CSMD1: variants seen among roughly 807,000 people sequenced by gnomAD.
The protein encoded by CSMD1 is CUB and sushi domain-containing protein 1.
Under a neutral mutation model 417.5 loss-of-function variants are expected in CSMD1, and 213 were observed. The ratio of observed to expected loss-of-function variants is 0.51; its 90% CI spans 0.46 to 0.57. The LOEUF is 0.57. CSMD1 is among the 20% of genes least tolerant of loss of function. The probability of loss-of-function intolerance (pLI) is 0.00; values close to 1 mark genes in which losing one functional copy is unlikely to be tolerated. For missense variants in CSMD1, 6,923 were observed against 4,529.7 expected, an observed-to-expected ratio of 1.53 and a Z score of -15.17; for synonymous variants, 2,862 against 1,736.8, an observed-to-expected ratio of 1.65 and a Z score of -16.11.
At chr8:3,464,369 G>GC (rs1404221032) in intron 12 of CSMD1, among the ~76,000 whole-genome samples, 1 of 152,140 alleles carries the variant, frequency 6.6e-6, no homozygotes, top group African/African-American at 2.4e-5. Flanking sequence ...GCTAGAAGCT[G>GC]CAGTGGTTAT....
intron 42 of CSMD1, among the ~76,000 whole-genome samples, chr8:3,112,276 G>T (rs1330991973): frequency 6.6e-6 from 1 of 152,210 alleles, no homozygotes; most frequent in East Asian, 1.9e-4. Context: ...CTTTACAGGT[G>T]ACTCCGTGCT....
chr8:3,793,080 G>A (rs148504741), intron 5 of CSMD1, among the ~76,000 whole-genome samples: 1 of 152,156 alleles, frequency 6.6e-6, no homozygotes, highest in East Asian at 1.9e-4. Flanking sequence ...GTAGAAAGGG[G>A]CAATTAACAC....
chr8:3,321,947 A>G (rs975187471), intron 23 of CSMD1, among the ~76,000 whole-genome samples: 2 of 152,218 alleles, frequency 1.3e-5, no homozygotes, highest in East Asian at 3.9e-4. Flanking sequence ...TAGCAAACCT[A>G]AAATGGAACC....
chr8:3,769,531 A>G (rs1798462157), intron 5 of CSMD1, among the ~76,000 whole-genome samples: 1 of 151,974 alleles, frequency 6.6e-6, no homozygotes, highest in African/African-American at 2.4e-5. Context: ...CATTAAAATT[A>G]GTGACAAAAA....
intron 3 of CSMD1, among the ~76,000 whole-genome samples, chr8:4,339,363 T>G (rs886939763): frequency 2.0e-5 from 3 of 152,248 alleles, no homozygotes; most frequent in East Asian, 1.9e-4. Flanking sequence ...GGTCAAATAA[T>G]GAATCTATTT....
intron 12 of CSMD1, among the ~76,000 whole-genome samples, chr8:3,452,498 C>A (rs946810416): frequency 1.3e-5 from 2 of 152,082 alleles, no homozygotes; most frequent in Non-Finnish European, 2.9e-5. Flanking sequence ...CCCATCAATA[C>A]CTAATTTACT....
chr8:3,238,223 TG>T (rs1799277458), intron 26 of CSMD1, among the ~76,000 whole-genome samples: 1 of 151,946 alleles, frequency 6.6e-6, no homozygotes, highest in Admixed American at 6.6e-5. Flanking sequence ...GGGGAGCTTT[TG>T]AGCCAGGATG....
intron 46 of CSMD1, among the ~76,000 whole-genome samples, chr8:3,100,464 G>C (rs569142657): frequency 3.8e-4 from 58 of 152,320 alleles, no homozygotes; most frequent in Admixed American, 3.6e-3. Flanking sequence ...TGGAGTGGGA[G>C]AGCTGAAAGG....
chr8:3,390,926 G>C (rs905710099), intron 17 of CSMD1, among the ~76,000 whole-genome samples: 1 of 151,986 alleles, frequency 6.6e-6, no homozygotes, highest in Non-Finnish European at 1.5e-5. Context: ...AGGTTGAAAA[G>C]TCACAGTTGA....
chr8:4,024,048 C>T (rs539718706), intron 4 of CSMD1, among the ~76,000 whole-genome samples: 1 of 151,754 alleles, frequency 6.6e-6, no homozygotes, highest in East Asian at 1.9e-4. Flanking sequence ...AACATAGAGG[C>T]CAAAACAGGA....
intron 5 of CSMD1, among the ~76,000 whole-genome samples, chr8:3,864,205 C>G (rs757983223): frequency 7.9e-5 from 12 of 152,026 alleles, no homozygotes; most frequent in Non-Finnish European, 8.8e-5. Flanking sequence ...AATAATAATT[C>G]AGAAATACTC....
chr8:3,545,808 C>T (rs758934150), intron 10 of CSMD1, among the ~76,000 whole-genome samples: 1 of 152,116 alleles, frequency 6.6e-6, no homozygotes, highest in Non-Finnish European at 1.5e-5. Context: ...TGTGAAAAGG[C>T]TCAGGAAGCA....
At chr8:3,909,096 T>G (rs1051047586) in intron 5 of CSMD1, among the ~76,000 whole-genome samples, 1 of 152,180 alleles carries the variant, frequency 6.6e-6, no homozygotes, top group African/African-American at 2.4e-5. Flanking sequence ...ACAAGTCCAC[T>G]GGGCTGGAGA....
At chr8:3,675,273 C>G (rs1799314476) in intron 7 of CSMD1, among the ~76,000 whole-genome samples, 1 of 152,172 alleles carries the variant, frequency 6.6e-6, no homozygotes, top group Admixed American at 6.5e-5. Flanking sequence ...GCGTGCCATT[C>G]CCCTGCTCCT....
intron 5 of CSMD1, among the ~76,000 whole-genome samples, chr8:3,841,835 G>A (rs1803157478): frequency 6.6e-6 from 1 of 152,006 alleles, no homozygotes; most frequent in African/African-American, 2.4e-5. Context: ...CCGAGACTTT[G>A]CATCAAGCTA....
intron 3 of CSMD1, among the ~76,000 whole-genome samples, chr8:4,140,861 G>C (rs995141247): frequency 1.3e-5 from 2 of 151,030 alleles, no homozygotes; most frequent in African/African-American, 2.5e-5. Flanking sequence ...CTGCCCAAGA[G>C]GGCATTTGGG....
At chr8:4,869,656 T>A (rs1802620069) in intron 1 of CSMD1, among the ~76,000 whole-genome samples, 1 of 152,084 alleles carries the variant, frequency 6.6e-6, no homozygotes, top group Non-Finnish European at 1.5e-5. Context: ...TAATACAGAT[T>A]TTTAAAAAAC....
At chr8:4,116,870 C>T (rs1230844657) in intron 3 of CSMD1, among the ~76,000 whole-genome samples, 1 of 151,908 alleles carries the variant, frequency 6.6e-6, no homozygotes. Flanking sequence ...GTACAATGTG[C>T]CAGAAAAAGA....
chr8:4,189,299 G>T (rs926745726), intron 3 of CSMD1, among the ~76,000 whole-genome samples: 2 of 152,108 alleles, frequency 1.3e-5, no homozygotes, highest in African/African-American at 4.8e-5. Flanking sequence ...AAGAAAACAT[G>T]TTGAGTAAAT....
Sources: gnomAD v4.1 joint callset for allele counts (sites outside exome capture counted in the v4.1 genomes callset) on GRCh38, gnomAD v4.1.1 for gene constraint, MANE v1.5 for transcripts, NCBI Gene and HGNC (gene_info 2026-07-23, HGNC 2026-07-21) for gene names.